Variants in SLC29A4 observed in about 807,000 individuals in gnomAD.
The protein encoded by SLC29A4 is equilibrative nucleoside transporter 4.
SLC29A4 carries 36 observed loss-of-function variants against 43.9 expected under a neutral mutation model. That is an observed-to-expected ratio of 0.82 (90% CI 0.63 to 1.08). The LOEUF (loss-of-function observed/expected upper bound fraction) is 1.08, where lower values mean the gene tolerates loss of function less well. Ranked by LOEUF, SLC29A4 falls within the 50% of genes least tolerant of loss-of-function variation. The pLI is 0.00. For synonymous variants in SLC29A4, 491 were observed against 338.0 expected, an observed-to-expected ratio of 1.45 and a Z score of -4.97; for missense variants, 869 against 755.3, an observed-to-expected ratio of 1.15 and a Z score of -1.77.
At chr7:5,284,002 AC>A (rs1205461774) in intron 1 of SLC29A4, among the ~76,000 whole-genome samples, 1 of 148,146 alleles carries the variant, frequency 6.8e-6, no homozygotes, top group Non-Finnish European at 1.5e-5. Context: ...GGAGGGGGTC[AC>A]TGGGCCAGGC....
rs766013204 is a variant in SLC29A4 at position 5,291,217 on chromosome 7, T to C, written c.395T>C (p.Leu132Pro). 99 of 1,612,972 alleles carry C rather than the reference T, an allele frequency of 6.1e-5. No homozygotes were observed. Among genetic ancestry groups the C allele is most frequent in the Non-Finnish European group, 8.3e-5 (98 of 1,179,996 alleles). The change falls in exon 4 of 11, where the codon CTG (leucine) becomes CCG (proline). Residue 132 changes from leucine to proline, a missense_variant. Coordinates refer to ENST00000396872, the MANE Select transcript of SLC29A4 (RefSeq NM_153247.4). ...AACGTCCTGGTGGAGAGACTGACCC[T>C]GCACACCAGGATCACCGCAGGTGCG... ...LNNVLVERLTLHTRITAGYLL... is the reference protein window; with the variant it reads ...LNNVLVERLTPHTRITAGYLL...
At chr7:5,297,236 C>CCCTTCTCTGTT in intron 7 of SLC29A4, 38 bp downstream of exon 7, 1 of 314,166 alleles carries the variant, frequency 3.2e-6, no homozygotes, top group East Asian at 2.4e-4. Context: ...CCTTCTCTGT[C>CCCTTCTCTGTT]CCCTTCTCTG....
chr7:5,289,051 C>A (rs1481504745), intron 2 of SLC29A4, among the ~76,000 whole-genome samples: 1 of 152,158 alleles, frequency 6.6e-6, no homozygotes. Context: ...ACCCTGTAAG[C>A]TATAGTTCTT....
At chr7:5,284,623 C>T (rs1784847683) in intron 1 of SLC29A4, among the ~76,000 whole-genome samples, 1 of 152,136 alleles carries the variant, frequency 6.6e-6, no homozygotes, top group African/African-American at 2.4e-5. Context: ...CCTGGGTTGC[C>T]TTCCCTGGGG....
intron 9 of SLC29A4, 148 bp from the exon 10 acceptor site, chr7:5,300,274 G>A: frequency 8.3e-7 from 1 of 1,203,250 alleles, no homozygotes; most frequent in Non-Finnish European, 1.2e-6. Context: ...GCTTTTAGAG[G>A]GGTGATCCGG....
chr7:5,293,079 G>C (rs1446480307), intron 5 of SLC29A4, among the ~76,000 whole-genome samples: 1 of 150,686 alleles, frequency 6.6e-6, no homozygotes, highest in African/African-American at 2.4e-5. Context: ...AATCCGGGAC[G>C]GTCCTTCACC....
At chr7:5,287,747 C>T (rs1785047517) in intron 1 of SLC29A4, 62 bp from the exon 2 acceptor site, 11 of 1,528,536 alleles carry the variant, frequency 7.2e-6, no homozygotes, top group East Asian at 4.6e-5. Context: ...TGGGTCAGTG[C>T]ATGAGCCATG....
Position 5,288,003 on chromosome 7 carries a change from C to A in SLC29A4, c.169+18C>A, listed in dbSNP as rs747442435. Reference sequence around the variant, plus strand: ...GGATACTAGTAAGTAGGCGTGCGGGCAAGGTGCGGGTCTTGCCCCAAAGCA... The same window carrying A: ...GGATACTAGTAAGTAGGCGTGCGGGAAAGGTGCGGGTCTTGCCCCAAAGCA... On this transcript the variant is annotated intron_variant, in intron 2 of 10. Coordinates refer to ENST00000396872, the MANE Select transcript of SLC29A4 (RefSeq NM_153247.4). 6.2e-7 allele frequency: 1 copy of A among 1,600,302 alleles called. No homozygotes were observed. The highest frequency in any genetic ancestry group is 2.2e-5 in the East Asian group (1 of 44,630).
intron 6 of SLC29A4, among the ~76,000 whole-genome samples, chr7:5,295,597 G>C (rs1199700616): frequency 6.6e-6 from 1 of 152,242 alleles, no homozygotes; most frequent in Non-Finnish European, 1.5e-5. Context: ...CTCCCTCTCA[G>C]GGTTCCCAAT....
In SLC29A4 at chr7:5,306,815, C is replaced by CTTTT. The variant is rs902186140; in HGVS notation, c.*3882_*3885dup. 1 of 151,104 alleles carries CTTTT rather than the reference C, an allele frequency of 6.6e-6. No individual in the cohort carries two copies. The highest frequency in any genetic ancestry group is 1.9e-4 in the East Asian group (1 of 5,160). 9.4% of individuals were successfully genotyped at this position (151,104 alleles called of 1,614,324 possible). A position where few individuals can be genotyped will look rare whatever the true frequency, so the allele number is the denominator to read the frequency against. On this transcript the variant is annotated 3_prime_UTR_variant, in exon 11 of 11. Coordinates refer to ENST00000396872, the MANE Select transcript of SLC29A4 (RefSeq NM_153247.4). ...TTTTATTTTTCCAATTAAATCTTTT[C>CTTTT]TTTTTTTTTATGAAAAAAGATCACA...
chr7:5,299,677 C>G (rs995362847), intron 9 of SLC29A4, among the ~76,000 whole-genome samples: 2 of 152,230 alleles, frequency 1.3e-5, no homozygotes, highest in Non-Finnish European at 2.9e-5. Flanking sequence ...CCTCTCGCCT[C>G]ACGATCACAG....
intron 2 of SLC29A4, among the ~76,000 whole-genome samples, chr7:5,289,809 A>G (rs1230502676): frequency 6.6e-6 from 1 of 152,142 alleles, no homozygotes; most frequent in Non-Finnish European, 1.5e-5. Context: ...AGAACCCGGT[A>G]CAACCCCAGA....
intron 6 of SLC29A4, among the ~76,000 whole-genome samples, chr7:5,295,830 G>A (rs114517857): frequency 0.035 from 5,308 of 152,194 alleles, 323 homozygotes; most frequent in African/African-American, 0.12. Flanking sequence ...GTGGCCGAGC[G>A]AGAGAGGGTG....
chr7:5,296,404 G>C (rs1289220915), intron 6 of SLC29A4, among the ~76,000 whole-genome samples: 1 of 150,234 alleles, frequency 6.7e-6, no homozygotes, highest in Non-Finnish European at 1.5e-5. Context: ...AGCGGCGTCG[G>C]GGTGGGGCTG....
intron 9 of SLC29A4, among the ~76,000 whole-genome samples, chr7:5,299,881 G>A (rs1222994800): frequency 2.6e-5 from 4 of 152,174 alleles, no homozygotes; most frequent in South Asian, 2.1e-4. Context: ...GTGAAACCCC[G>A]TGTCTACTGA....
Position 5,299,122 on chromosome 7 carries a change from C to G in SLC29A4, c.1017C>G (p.Phe339Leu), listed in dbSNP as rs1181882399. 3.1e-6 allele frequency: 5 copies of G among 1,610,088 alleles called. No individual in the cohort carries two copies. Among genetic ancestry groups the G allele is most frequent in the Non-Finnish European group, 4.2e-6 (5 of 1,178,812 alleles). The change falls in exon 8 of 11, where the codon TTC becomes TTG. Residue 339 changes from phenylalanine to leucine, a missense_variant. By Grantham distance (22) the Phe-to-Leu change is conservative. Coordinates refer to ENST00000396872, the MANE Select transcript of SLC29A4 (RefSeq NM_153247.4). ...RPRVQRSWPT[F>L]RALLLHRYVV... The stretch of plus-strand genomic sequence containing the variant: ...GGGTCCAGCGCAGCTGGCCCACCTT[C>G]AGAGGTGAGTGCGGGGAGTCCTCTG...
chr7:5,283,778 A>AC (rs1475647727), intron 1 of SLC29A4, among the ~76,000 whole-genome samples: 2 of 152,182 alleles, frequency 1.3e-5, no homozygotes, highest in African/African-American at 2.4e-5. Context: ...CCAGGGGTGT[A>AC]CCAGGCATCA....
chr7:5,289,225 C>T (rs1343854494), intron 2 of SLC29A4, among the ~76,000 whole-genome samples: 4 of 151,870 alleles, frequency 2.6e-5, no homozygotes, highest in African/African-American at 4.8e-5. Context: ...GGCAAAATCT[C>T]GTCTGTACAA....
rs545349100 is a variant in SLC29A4 at position 5,300,695 on chromosome 7, C to T, written c.1450+33C>T. ...CCGCGGGACGTGGGGGTGGGGGCGT[C>T]CTCCCAGCAGCGCAATGCCCCCCTC... On this transcript the variant is annotated intron_variant, in intron 10 of 10. Transcript: ENST00000396872. 39 of 1,597,446 alleles carry T rather than the reference C, an allele frequency of 2.4e-5. No homozygotes were observed. In the African/African-American group the frequency reaches 2.7e-4, roughly 11 times the overall value.
Sources: allele counts gnomAD v4.1 joint callset (sites outside exome capture counted in the v4.1 genomes callset), GRCh38; gene constraint gnomAD v4.1.1; transcripts MANE v1.5; gene names NCBI Gene and HGNC (gene_info 2026-07-23, HGNC 2026-07-21).